CTNNA3: variants seen among roughly 807,000 people sequenced by gnomAD.
CTNNA3 encodes the protein catenin alpha-3.
CTNNA3 carries 76 observed loss-of-function variants against 95.7 expected under a neutral mutation model. The ratio of observed to expected loss-of-function variants is 0.79; its 90% CI spans 0.66 to 0.96. The LOEUF (loss-of-function observed/expected upper bound fraction) is 0.96. Among genes scored for constraint, CTNNA3 ranks in the 40% least tolerant of loss-of-function variants. The pLI is 0.00. For missense variants in CTNNA3, 1,191 were observed against 1,089.8 expected (o/e 1.09, Z -1.31); for synonymous variants, 431 against 374.4 (o/e 1.15, Z -1.74).
intron 5 of CTNNA3, among the ~76,000 whole-genome samples, chr10:67,311,305 TAAAG>T (rs1418104944): frequency 6.6e-6 from 1 of 151,718 alleles, no homozygotes; most frequent in Non-Finnish European, 1.5e-5. Context: ...GTGAGACAGA[TAAAG>T]GAAGAATGAG....
intron 7 of CTNNA3, among the ~76,000 whole-genome samples, chr10:66,843,227 G>A (rs12359481): frequency 1.3e-5 from 2 of 152,106 alleles, no homozygotes; most frequent in Admixed American, 1.3e-4. Context: ...CCAAGCTCAG[G>A]GGGGTTTACG....
chr10:66,644,962 A>G (rs547715185), intron 9 of CTNNA3, among the ~76,000 whole-genome samples: 7 of 152,158 alleles, frequency 4.6e-5, no homozygotes, highest in African/African-American at 1.7e-4. Flanking sequence ...ACTATTCCCC[A>G]TTTCTAAATT....
intron 5 of CTNNA3, among the ~76,000 whole-genome samples, chr10:67,397,797 G>T (rs531036923): frequency 1.1e-3 from 175 of 152,316 alleles, no homozygotes; most frequent in African/African-American, 4.1e-3. Context: ...CATCCCAGCT[G>T]CTCCAGACAT....
At chr10:65,952,848 A>T (rs191398694) in intron 17 of CTNNA3, among the ~76,000 whole-genome samples, 1 of 152,206 alleles carries the variant, frequency 6.6e-6, no homozygotes, top group East Asian at 1.9e-4. Flanking sequence ...TTGACTGATT[A>T]GTTTTATTTA....
chr10:66,924,824 G>A (rs943951675), intron 7 of CTNNA3, among the ~76,000 whole-genome samples: 1 of 152,204 alleles, frequency 6.6e-6, no homozygotes, highest in Non-Finnish European at 1.5e-5. Context: ...TTTTATGCCC[G>A]TTTTGCAGAT....
chr10:67,340,938 A>C (rs1304763283), intron 5 of CTNNA3, among the ~76,000 whole-genome samples: 1 of 152,230 alleles, frequency 6.6e-6, no homozygotes, highest in Non-Finnish European at 1.5e-5. Flanking sequence ...TGGAGGAAGT[A>C]GAAGCGTAAA....
Position 67,251,947 on chromosome 10 carries a change from C to T in CTNNA3, c.580-32077G>A, listed in dbSNP as rs558188924. Reference sequence around the variant, plus strand: ...CAAGACCTGAGGAGGTGGTGGCTCACACCTGTAATCCCAGCACTTTGGGAG... The same window carrying T: ...CAAGACCTGAGGAGGTGGTGGCTCATACCTGTAATCCCAGCACTTTGGGAG... On this transcript the variant is annotated intron_variant, in intron 5 of 17. Transcript: ENST00000433211. Among the ~76,000 whole-genome samples, 11 of 152,158 alleles carry T rather than the reference C, an allele frequency of 7.2e-5. No individual in the cohort carries two copies. The East Asian group carries it at 1.5e-3, about 21-fold the overall frequency.
At chr10:67,063,248 G>A (rs1404056036) in intron 7 of CTNNA3, among the ~76,000 whole-genome samples, 1 of 152,116 alleles carries the variant, frequency 6.6e-6, no homozygotes, top group Non-Finnish European at 1.5e-5. Flanking sequence ...TAACTCTGAT[G>A]CAAGATCACA....
At chr10:66,481,535 G>T in intron 11 of CTNNA3, among the ~76,000 whole-genome samples, 1 of 110,804 alleles carries the variant, frequency 9.0e-6, no homozygotes, top group East Asian at 3.0e-4. Context: ...GCAGTGGCAC[G>T]ATCTCGGCTC....
chr10:66,851,904 G>T (rs1037203138), intron 7 of CTNNA3, among the ~76,000 whole-genome samples: 2 of 152,050 alleles, frequency 1.3e-5, no homozygotes, highest in Non-Finnish European at 2.9e-5. Flanking sequence ...TTTACTGACT[G>T]CTCAAGTCTC....
At chr10:66,587,963 G>A (rs1487300147) in intron 10 of CTNNA3, among the ~76,000 whole-genome samples, 1 of 152,144 alleles carries the variant, frequency 6.6e-6, no homozygotes, top group African/African-American at 2.4e-5. Context: ...CCTCACTCAA[G>A]GTTATAATCT....
intron 15 of CTNNA3, among the ~76,000 whole-genome samples, chr10:66,015,235 A>G (rs1247421025): frequency 6.6e-6 from 1 of 152,208 alleles, no homozygotes; most frequent in African/African-American, 2.4e-5. Context: ...CCTTGATTCT[A>G]TCAGGAGAAT....
rs961278933 is a variant in CTNNA3 at position 67,677,099 on chromosome 10, C to T, written c.-6+18901G>A. On this transcript the variant is annotated intron_variant, in intron 1 of 17. Coordinates refer to ENST00000433211, the MANE Select transcript of CTNNA3 (RefSeq NM_013266.4). ...ATTCTACAAATTTCCTCCAGTCTCC[C>T]CAGTGTTGACCAGCCCTGCAGCTGA... Among the ~76,000 whole-genome samples, 6 of 152,228 alleles carry T rather than the reference C, an allele frequency of 3.9e-5. 1 individual carries two copies. The highest frequency in any genetic ancestry group is 3.9e-4 in the Admixed American group (6 of 15,286).
At position 67,257,148 on chromosome 10, in the gene CTNNA3, T is replaced by G. The variant is rs1446906087; in HGVS notation, c.580-37278A>C. 3.9e-5 allele frequency among the ~76,000 whole-genome samples: 6 copies of G among 152,344 alleles called. No individual in the cohort carries two copies. In the East Asian group the frequency reaches 1.2e-3, roughly 29 times the overall value. On this transcript the variant is annotated intron_variant, in intron 5 of 17. Transcript: ENST00000433211. ...TCAAACAATAGTTATCTAAATAGTT[T>G]CTTGAATCATCATGTGATGTTTACA...
At chr10:67,435,574 C>T (rs937691257) in intron 5 of CTNNA3, among the ~76,000 whole-genome samples, 24 of 151,924 alleles carry the variant, frequency 1.6e-4, no homozygotes, top group African/African-American at 5.6e-4. Flanking sequence ...ACCTTGAAAA[C>T]CCTGAAGATT....
In CTNNA3 at chr10:66,418,619, C is replaced by CA. The variant is rs529605113; in HGVS notation, c.1532-39268dup. ...TCAATATCTCTGATAAACATAAACA[C>CA]AAAAAACCCCAACAAAGTTCAAGCA... On this transcript the variant is annotated intron_variant, in intron 11 of 17. Transcript: ENST00000433211. 4.3e-4 allele frequency among the ~76,000 whole-genome samples: 64 copies of CA among 150,476 alleles called. 1 individual carries two copies. The South Asian group carries it at 0.013, about 30-fold the overall frequency.
chr10:67,524,540 C>T (rs1840085098), intron 4 of CTNNA3, among the ~76,000 whole-genome samples: 1 of 151,900 alleles, frequency 6.6e-6, no homozygotes, highest in African/African-American at 2.4e-5. Flanking sequence ...AACTAAAGGT[C>T]GGACTTTGTA....
chr10:67,708,931 T>A (rs1477792283), intron 1 of CTNNA3, among the ~76,000 whole-genome samples: 2 of 151,836 alleles, frequency 1.3e-5, no homozygotes, highest in Admixed American at 1.3e-4. Context: ...AGTTACTAAC[T>A]ACAAACTGAC....
In CTNNA3 at chr10:67,555,663, A is replaced by G. The variant is rs899982814; in HGVS notation, c.293-15994T>C. 3.4e-4 allele frequency among the ~76,000 whole-genome samples: 52 copies of G among 152,294 alleles called. No individual in the cohort carries two copies. In the Middle Eastern group the frequency reaches 0.014, roughly 40 times the overall value. ...CTTAAGGAGATTTTGGGCTGAGACG[A>G]TGGGGTTTTCTAGATATACTATCAT... On this transcript the variant is annotated intron_variant, in intron 3 of 17. Transcript: ENST00000433211.
Sources: gnomAD v4.1 joint callset for allele counts (sites outside exome capture counted in the v4.1 genomes callset) on GRCh38, gnomAD v4.1.1 for gene constraint, MANE v1.5 for transcripts, NCBI Gene and HGNC (gene_info 2026-07-23, HGNC 2026-07-21) for gene names.